Variants in CORIN observed in about 807,000 individuals in gnomAD.
CORIN encodes the protein corin, serine peptidase.
CORIN carries 117 observed loss-of-function variants against 125.3 expected under a neutral mutation model. The observed-to-expected ratio is 0.93, with a 90% CI of 0.80 to 1.09. CORIN has a LOEUF of 1.09. Among genes scored for constraint, CORIN ranks in the 50% least tolerant of loss-of-function variants. The pLI is 0.00. For synonymous variants in CORIN, 450 were observed against 466.4 expected, an observed-to-expected ratio of 0.96 and a Z score of 0.45; for missense variants, 1,253 against 1,306.7, an observed-to-expected ratio of 0.96 and a Z score of 0.63.
chr4:47,715,920 G>A (rs1190474828), intron 5 of CORIN, among the ~76,000 whole-genome samples: 1 of 152,222 alleles, frequency 6.6e-6, no homozygotes, highest in Non-Finnish European at 1.5e-5. Flanking sequence ...GCTTCCTCTA[G>A]AGAGGCTTTG....
chr4:47,769,925 G>C (rs1329289114), intron 3 of CORIN, among the ~76,000 whole-genome samples: 1 of 151,992 alleles, frequency 6.6e-6, no homozygotes, highest in Non-Finnish European at 1.5e-5. Flanking sequence ...AGAATACATA[G>C]GGGGAAAGCT....
intron 1 of CORIN, among the ~76,000 whole-genome samples, chr4:47,812,975 T>C (rs1732122447): frequency 6.6e-6 from 1 of 152,188 alleles, no homozygotes; most frequent in South Asian, 2.1e-4. Flanking sequence ...ATAACCACAA[T>C]TGCATACTAA....
intron 5 of CORIN, among the ~76,000 whole-genome samples, chr4:47,739,963 T>G (rs1292163753): frequency 1.3e-5 from 2 of 151,748 alleles, no homozygotes; most frequent in Non-Finnish European, 3.0e-5. Context: ...AAATTTAAAA[T>G]GGCACACCCC....
intron 11 of CORIN, 92 bp downstream of exon 11, chr4:47,664,940 G>T: frequency 1.3e-6 from 1 of 745,878 alleles, no homozygotes; most frequent in Non-Finnish European, 2.3e-6. Context: ...AGCTCCTTAG[G>T]GAAATTTACG....
chr4:47,706,616 G>A, intron 5 of CORIN: 1 of 1,605,216 alleles, frequency 6.2e-7, no homozygotes. Flanking sequence ...GCAACTTACG[G>A]CAAGCCTGTC....
At chr4:47,836,688 T>G (rs1733435574) in intron 1 of CORIN, among the ~76,000 whole-genome samples, 1 of 152,152 alleles carries the variant, frequency 6.6e-6, no homozygotes, top group African/African-American at 2.4e-5. Context: ...GCCCCGAAGC[T>G]TCCCTGCTGA....
intron 5 of CORIN, among the ~76,000 whole-genome samples, chr4:47,743,935 T>A (rs1560529249): frequency 6.6e-6 from 1 of 151,494 alleles, no homozygotes; most frequent in South Asian, 2.1e-4. Context: ...ATCACTGTAA[T>A]AGCTGAAAAT....
At chr4:47,753,304 GC>G (rs1000849761) in intron 4 of CORIN, among the ~76,000 whole-genome samples, 9 of 152,142 alleles carry the variant, frequency 5.9e-5, no homozygotes, top group African/African-American at 2.2e-4. Context: ...AAGGTAAAGG[GC>G]AAAATTAGAA....
At chr4:47,816,633 G>C (rs1732279954) in intron 1 of CORIN, among the ~76,000 whole-genome samples, 2 of 152,158 alleles carry the variant, frequency 1.3e-5, no homozygotes, top group Admixed American at 1.3e-4. Context: ...CTTTTGCACT[G>C]AAACAACAGT....
intron 10 of CORIN, among the ~76,000 whole-genome samples, chr4:47,666,456 C>T (rs943158057): frequency 6.6e-6 from 1 of 152,136 alleles, no homozygotes; most frequent in Non-Finnish European, 1.5e-5. Context: ...ACTCCACAAT[C>T]TCGATAGGAA....
chr4:47,699,263 AATCCC>A (rs1163501169), intron 5 of CORIN, among the ~76,000 whole-genome samples: 6 of 152,166 alleles, frequency 3.9e-5, no homozygotes, highest in African/African-American at 9.7e-5. Context: ...CTGTCCCTCT[AATCCC>A]ATCATTAAAT....
intron 3 of CORIN, among the ~76,000 whole-genome samples, chr4:47,780,580 G>GA (rs1035134276): frequency 4.0e-5 from 6 of 151,456 alleles, no homozygotes; most frequent in African/African-American, 9.7e-5. Flanking sequence ...AAAACACTGG[G>GA]AAAAAAAACT....
chr4:47,795,388 A>G, intron 2 of CORIN, among the ~76,000 whole-genome samples: 1 of 152,162 alleles, frequency 6.6e-6, no homozygotes. Context: ...GGACATTTTA[A>G]CAATATTAAT....
chr4:47,623,942 A>T lies in CORIN; in HGVS notation c.2322T>A (p.Ser774=), dbSNP rs1308860311. The part of the protein sequence containing the change: ...TLHELLVNGQ[S]CESRSKISLL... ...GAGAAATTTTACTTCTGCTCTCACA[A>T]GACTGCCTGGATTTGGAAACATAAA... Residue 774 remains serine, a synonymous_variant, in exon 18 of 22, where the codon TCT becomes TCA. Transcript: ENST00000273857. 1 of 1,613,272 alleles carries T rather than the reference A, an allele frequency of 6.2e-7. No homozygotes were observed. The highest frequency in any genetic ancestry group is 1.3e-5 in the African/African-American group (1 of 74,912).
At chr4:47,825,363 C>T (rs568011943) in intron 1 of CORIN, among the ~76,000 whole-genome samples, 68 of 152,308 alleles carry the variant, frequency 4.5e-4, no homozygotes, top group African/African-American at 1.6e-3. Context: ...CACCTATCTG[C>T]GGCTAATTAG....
intron 2 of CORIN, among the ~76,000 whole-genome samples, chr4:47,796,994 C>G (rs886891446): frequency 2.6e-5 from 4 of 151,918 alleles, no homozygotes; most frequent in African/African-American, 9.7e-5. Flanking sequence ...TTGTTTCATG[C>G]CTTCTTCCCT....
rs1005888919 is a variant in CORIN, at chr4:47,706,607, C to T, written c.800-13524G>A. 1.9e-6 allele frequency: 3 copies of T among 1,603,116 alleles called. No homozygotes were observed. The Admixed American group carries it at 5.0e-5, about 27-fold the overall frequency. ...CGAAAACGCCCAGTTCCTAAGGGTG[C>T]AACTTACGGCAAGCCTGTCCATCAT... On this transcript the variant is annotated intron_variant, in intron 5 of 21. Coordinates refer to ENST00000273857, the MANE Select transcript of CORIN (RefSeq NM_006587.4).
chr4:47,608,337 G>A (rs181056497), intron 19 of CORIN, among the ~76,000 whole-genome samples: 44 of 152,122 alleles, frequency 2.9e-4, no homozygotes, highest in African/African-American at 1.0e-3. Context: ...AAAAAAAAGA[G>A]CTAAATTAGG....
intron 12 of CORIN, among the ~76,000 whole-genome samples, chr4:47,660,579 T>TCA (rs1724199275): frequency 6.6e-6 from 1 of 152,122 alleles, no homozygotes; most frequent in African/African-American, 2.4e-5. Context: ...GAAAAGGTGC[T>TCA]CAACATCACT....
Sources: gnomAD v4.1 joint callset for allele counts (sites outside exome capture counted in the v4.1 genomes callset) on GRCh38, gnomAD v4.1.1 for gene constraint, MANE v1.5 for transcripts, NCBI Gene and HGNC (gene_info 2026-07-23, HGNC 2026-07-21) for gene names.